PTPRK: variants seen among roughly 807,000 people sequenced by gnomAD.
The protein encoded by PTPRK is receptor-type tyrosine-protein phosphatase kappa.
In PTPRK, 75 loss-of-function variants were observed where a neutral mutation model predicts 178.0. The observed-to-expected ratio is 0.42, with a 90% CI of 0.35 to 0.51. The LOEUF is 0.51. PTPRK is among the 20% of genes least tolerant of loss of function. The pLI, the probability that PTPRK is intolerant of heterozygous loss-of-function variation, is 0.02. For missense variants in PTPRK, 1,441 were observed against 1,797.8 expected (o/e 0.80, Z 3.59); for synonymous variants, 637 against 620.6 (o/e 1.03, Z -0.39).
At chr6:128,198,803 ATT>A (rs1482816972) in intron 6 of PTPRK, among the ~76,000 whole-genome samples, 1 of 152,026 alleles carries the variant, frequency 6.6e-6, no homozygotes, top group African/African-American at 2.4e-5. Flanking sequence ...ATTTACCTAT[ATT>A]TTTTGCCTCT....
chr6:128,243,488 TAAAAAAAA>T (rs760606919), intron 3 of PTPRK, among the ~76,000 whole-genome samples: 2 of 59,138 alleles, frequency 3.4e-5, no homozygotes, highest in Non-Finnish European at 7.4e-5. Context: ...AGCCTGTCGC[TAAAAAAAA>T]AAAAAAAAAA....
intron 3 of PTPRK, among the ~76,000 whole-genome samples, chr6:128,285,288 G>C (rs1822292840): frequency 6.6e-6 from 1 of 152,150 alleles, no homozygotes; most frequent in Non-Finnish European, 1.5e-5. Context: ...GCCAAGGCAG[G>C]CGGGTCACCT....
intron 7 of PTPRK, among the ~76,000 whole-genome samples, chr6:128,119,946 CCTT>C (rs993915226): frequency 6.6e-6 from 1 of 151,996 alleles, no homozygotes; most frequent in South Asian, 2.1e-4. Context: ...TAGTTCCTAT[CCTT>C]CTCTTTGTAT....
At chr6:128,347,668 T>C (rs1832596420) in intron 2 of PTPRK, among the ~76,000 whole-genome samples, 1 of 152,100 alleles carries the variant, frequency 6.6e-6, no homozygotes, top group Non-Finnish European at 1.5e-5. Flanking sequence ...GTCAGATCTT[T>C]TTTAAGCTCA....
intron 1 of PTPRK, among the ~76,000 whole-genome samples, chr6:128,432,930 A>C (rs1252874703): frequency 1.3e-5 from 2 of 152,100 alleles, no homozygotes; most frequent in Non-Finnish European, 2.9e-5. Flanking sequence ...CCCTGATTTT[A>C]ATATTAGTTT....
At chr6:128,341,171 C>G (rs1161949981) in intron 2 of PTPRK, among the ~76,000 whole-genome samples, 1 of 152,044 alleles carries the variant, frequency 6.6e-6, no homozygotes, top group East Asian at 1.9e-4. Flanking sequence ...AAATGTGATA[C>G]AGTTCACCCT....
At chr6:127,985,959 C>G (rs1775924571) in intron 21 of PTPRK, 84 bp from the exon 22 acceptor site, 1 of 1,311,498 alleles carries the variant, frequency 7.6e-7, no homozygotes, top group South Asian at 1.6e-5. Flanking sequence ...GGGTACAGAC[C>G]CAACTGACAA....
At chr6:128,122,727 T>C (rs1353858950) in intron 7 of PTPRK, among the ~76,000 whole-genome samples, 4 of 152,186 alleles carry the variant, frequency 2.6e-5, no homozygotes, top group Admixed American at 1.3e-4. Flanking sequence ...AACCGCAGTA[T>C]GAAAATTAAA....
chr6:128,099,422 C>A (rs577617319), intron 7 of PTPRK, among the ~76,000 whole-genome samples: 69 of 151,950 alleles, frequency 4.5e-4, no homozygotes, highest in African/African-American at 1.6e-3. Flanking sequence ...TCCCCTCCCC[C>A]AAATAAATCA....
chr6:128,062,053 T>C (rs1456500295), intron 13 of PTPRK: 3 of 152,190 alleles, frequency 2.0e-5, no homozygotes, highest in Non-Finnish European at 4.4e-5. Context: ...CTATTAAATG[T>C]TTCTTCAAAA....
chr6:128,130,181 T>A (rs1387177784), intron 7 of PTPRK, among the ~76,000 whole-genome samples: 1 of 152,220 alleles, frequency 6.6e-6, no homozygotes, highest in African/African-American at 2.4e-5. Context: ...TTTGTTCTAA[T>A]TATTCTGGTT....
intron 13 of PTPRK, among the ~76,000 whole-genome samples, chr6:128,044,796 T>G (rs57657468): frequency 0.022 from 3,333 of 152,028 alleles, 110 homozygotes; most frequent in African/African-American, 0.077. Flanking sequence ...GTATCAAAAC[T>G]TCAAAACTAT....
chr6:128,294,633 T>A (rs1020713176), intron 3 of PTPRK, among the ~76,000 whole-genome samples: 2 of 152,084 alleles, frequency 1.3e-5, no homozygotes, highest in Non-Finnish European at 2.9e-5. Flanking sequence ...ATCTCTATCA[T>A]TTTGGTAGAC....
chr6:128,392,326 C>A (rs1839712146), intron 2 of PTPRK, among the ~76,000 whole-genome samples: 1 of 152,070 alleles, frequency 6.6e-6, no homozygotes, highest in African/African-American at 2.4e-5. Context: ...CAGTTATTTT[C>A]ATTATTATCA....
Position 128,493,378 on chromosome 6 carries a change from C to T in PTPRK, c.100+26881G>A, listed in dbSNP as rs551855185. 1.5e-3 allele frequency among the ~76,000 whole-genome samples: 232 copies of T among 152,050 alleles called. 1 individual carries two copies. The highest frequency in any genetic ancestry group is 6.0e-3 in the South Asian group (29 of 4,818). On this transcript the variant is annotated intron_variant, in intron 1 of 29. Coordinates refer to ENST00000368226, the MANE Select transcript of PTPRK (RefSeq NM_002844.4). ...GAGATCAAGACCATCCTGGCTAACA[C>T]AGTGAAACCCTGTCTCTACTAAAAA... is the stretch of plus-strand genomic sequence containing the variant.
At chr6:128,373,788 T>C (rs1406690149) in intron 2 of PTPRK, among the ~76,000 whole-genome samples, 1 of 152,200 alleles carries the variant, frequency 6.6e-6, no homozygotes, top group Non-Finnish European at 1.5e-5. Flanking sequence ...TTTCTGTTTA[T>C]GACACAAATC....
At chr6:128,516,752 T>C (rs1341685545) in intron 1 of PTPRK, among the ~76,000 whole-genome samples, 1 of 152,094 alleles carries the variant, frequency 6.6e-6, no homozygotes, top group Non-Finnish European at 1.5e-5. Context: ...ATAGTCCCTC[T>C]CTAGGTCATT....
At chr6:128,281,428 A>G (rs1238175985) in intron 3 of PTPRK, among the ~76,000 whole-genome samples, 1 of 152,138 alleles carries the variant, frequency 6.6e-6, no homozygotes, top group Non-Finnish European at 1.5e-5. Context: ...CCTCCAAATG[A>G]ATGTGAAAGG....
intron 7 of PTPRK, among the ~76,000 whole-genome samples, chr6:128,150,635 CCT>C (rs1797116102): frequency 6.6e-6 from 1 of 152,196 alleles, no homozygotes; most frequent in African/African-American, 2.4e-5. Flanking sequence ...GAAAATGTGC[CCT>C]GTTATAATAT....
Sources: gnomAD v4.1 joint callset for allele counts (sites outside exome capture counted in the v4.1 genomes callset) on GRCh38, gnomAD v4.1.1 for gene constraint, MANE v1.5 for transcripts, NCBI Gene and HGNC (gene_info 2026-07-23, HGNC 2026-07-21) for gene names.